The following KIAA1671 variants were observed in gnomAD, a reference collection of about 807,000 sequenced individuals.
KIAA1671 encodes the protein uncharacterized protein KIAA1671.
In KIAA1671, 52 loss-of-function variants were observed where a neutral mutation model predicts 131.2. The observed-to-expected ratio is 0.40, with a 90% CI of 0.32 to 0.50. The LOEUF is 0.50. KIAA1671 is among the 20% of genes least tolerant of loss of function. The pLI is 0.73. For synonymous variants in KIAA1671, 1,003 were observed against 961.6 expected (o/e 1.04, Z -0.80); for missense variants, 2,360 against 2,364.2 (o/e 1.00, Z 0.04).
chr22:25,146,301 C>T (rs1445182379), intron 6 of KIAA1671, among the ~76,000 whole-genome samples: 5 of 152,194 alleles, frequency 3.3e-5, no homozygotes, highest in African/African-American at 1.2e-4. Flanking sequence ...CCAGTTTTAA[C>T]ACCTGGACTT....
Position 25,029,466 on chromosome 22 carries a change from G to A in KIAA1671, c.1467G>A (p.Glu489=). Residue 489 remains glutamate, a synonymous_variant, in exon 3 of 13, where the codon GAG becomes GAA. Transcript: ENST00000358431. ...VQERIRGWTA[E]SSEAKPEVRR... ...AACGGATCAGAGGCTGGACTGCCGAGAGCTCAGAGGCTAAGCCCGAGGTCA... is the reference window on the plus strand; with the variant it reads ...AACGGATCAGAGGCTGGACTGCCGAAAGCTCAGAGGCTAAGCCCGAGGTCA... 6.4e-7 allele frequency: 1 copy of A among 1,551,322 alleles called. No individual in the cohort carries two copies. Among genetic ancestry groups the A allele is most frequent in the Non-Finnish European group, 8.7e-7 (1 of 1,146,828 alleles).
intron 1 of KIAA1671, among the ~76,000 whole-genome samples, chr22:24,983,691 C>T (rs2123833152): frequency 9.3e-6 from 1 of 107,510 alleles, no homozygotes; most frequent in African/African-American, 3.8e-5. Context: ...GAGTGCGGCA[C>T]AGAGGCCTGT....
At chr22:25,056,932 A>G (rs113401944) in intron 6 of KIAA1671, 7 of 152,012 alleles carry the variant, frequency 4.6e-5, no homozygotes, top group African/African-American at 9.7e-5. Context: ...TGCTGTGACT[A>G]TGTTAGACAC....
intron 6 of KIAA1671, among the ~76,000 whole-genome samples, chr22:25,149,921 G>C (rs1169379516): frequency 6.6e-6 from 1 of 152,012 alleles, no homozygotes; most frequent in Admixed American, 6.5e-5. Context: ...AGCCTTCCCT[G>C]ACCCCCTCCC....
intron 9 of KIAA1671, 119 bp from the exon 10 acceptor site, chr22:25,181,580 G>A (rs373035836): frequency 2.4e-6 from 3 of 1,234,834 alleles, no homozygotes; most frequent in African/African-American, 1.5e-5. Context: ...GGGCCATAGC[G>A]TCTTCTGTGC....
intron 6 of KIAA1671, among the ~76,000 whole-genome samples, chr22:25,108,359 G>C (rs2145908202): frequency 6.6e-6 from 1 of 152,238 alleles, no homozygotes; most frequent in East Asian, 1.9e-4. Flanking sequence ...TCTGGGGCCA[G>C]CGGGGAGGAC....
intron 9 of KIAA1671, among the ~76,000 whole-genome samples, chr22:25,180,508 A>G (rs1934229384): frequency 6.6e-6 from 1 of 152,082 alleles, no homozygotes; most frequent in Admixed American, 6.5e-5. Context: ...ACTGCACTCC[A>G]GCCTAGCAAC....
At chr22:24,988,623 C>T (rs1325469865) in intron 1 of KIAA1671, among the ~76,000 whole-genome samples, 3 of 151,274 alleles carry the variant, frequency 2.0e-5, no homozygotes, top group African/African-American at 7.3e-5. Context: ...GTAATCCCAG[C>T]TACTTGGGAG....
At position 25,091,977 on chromosome 22, in the gene KIAA1671, T is replaced by C. The variant is rs531987034; in HGVS notation, c.4530+42613T>C. ...GTGTGTTCATTTATTCATCCTTTAGTTTATTTGGTCATTCATTTACTCCTT... is the reference window on the plus strand; with the variant it reads ...GTGTGTTCATTTATTCATCCTTTAGCTTATTTGGTCATTCATTTACTCCTT... On this transcript the variant is annotated intron_variant, in intron 6 of 12. Coordinates refer to ENST00000358431, the MANE Select transcript of KIAA1671 (RefSeq NM_001145206.2). Among the ~76,000 whole-genome samples, 23 of 152,272 alleles carry C rather than the reference T, an allele frequency of 1.5e-4. No individual in the cohort carries two copies. The South Asian group carries it at 4.8e-3, about 32-fold the overall frequency.
intron 1 of KIAA1671, among the ~76,000 whole-genome samples, chr22:24,985,486 C>T (rs1002598205): frequency 6.6e-6 from 1 of 152,046 alleles, no homozygotes; most frequent in East Asian, 1.9e-4. Flanking sequence ...ACTACAGGCG[C>T]CCGCCACCGC....
intron 6 of KIAA1671, among the ~76,000 whole-genome samples, chr22:25,154,754 C>T (rs974097739): frequency 2.0e-5 from 3 of 152,246 alleles, no homozygotes; most frequent in Non-Finnish European, 4.4e-5. Flanking sequence ...CTCAGCCCCA[C>T]TGCGAGGTCC....
In KIAA1671 at chr22:24,980,890, G is replaced by A. The variant is rs184011990; in HGVS notation, c.-208+28118G>A. On this transcript the variant is annotated intron_variant, in intron 1 of 12. Transcript: ENST00000358431. ...GCCTCCTGAGTAGCTGGGATTACAG[G>A]CATGCGCCATCATGCCTGGATGATT... Among the ~76,000 whole-genome samples the A allele has an allele frequency of 4.6e-5, 7 of 152,058 alleles. No individual in the cohort carries two copies. In the East Asian group the frequency reaches 1.2e-3, roughly 25 times the overall value.
intron 6 of KIAA1671, among the ~76,000 whole-genome samples, chr22:25,081,983 C>A (rs560136394): frequency 6.6e-6 from 1 of 152,198 alleles, no homozygotes; most frequent in Admixed American, 6.5e-5. Flanking sequence ...ATCACCTAAG[C>A]CCAGGAGTTG....
chr22:25,041,263 A>T lies in KIAA1671; in HGVS notation c.4133A>T (p.Lys1378Ile). 1.3e-6 allele frequency: 2 copies of T among 1,551,722 alleles called. No individual in the cohort carries two copies. Among genetic ancestry groups the T allele is most frequent in the South Asian group, 2.4e-5 (2 of 84,056 alleles). ...GACCAGAAGAAAGGGACCCCAAGGA[A>T]ATCCACCGGGCGGGGAGAGGAGGAC... ...PTDQKKGTPRKSTGRGEEDSV... is the reference protein window; with the variant it reads ...PTDQKKGTPRISTGRGEEDSV... Residue 1378 changes from lysine to isoleucine, a missense_variant, in exon 5 of 13, where the codon AAA becomes ATA. Physicochemically the swap from Lys to Ile is moderately radical, Grantham distance 102 (BLOSUM62 -3). Coordinates refer to ENST00000358431, the MANE Select transcript of KIAA1671 (RefSeq NM_001145206.2).
rs959295642 is a variant in KIAA1671, at chr22:25,041,065, C to G, written c.3935C>G (p.Ser1312Cys). 1 of 1,530,856 alleles carries G rather than the reference C, an allele frequency of 6.5e-7. No individual in the cohort carries two copies. Among genetic ancestry groups the G allele is most frequent in the African/African-American group, 1.4e-5 (1 of 72,482 alleles). The allele number at this position is 1,530,856 out of a possible 1,614,324, so 94.8% of individuals were successfully genotyped here. A position where few individuals can be genotyped will look rare whatever the true frequency, so the allele number is the denominator to read the frequency against. ...SAPSERYPGG[S>C]PIPADPRKKT... The stretch of plus-strand genomic sequence containing the variant: ...CCTTCTGAAAGGTATCCAGGGGGCT[C>G]TCCTATACCTGCGGATCCCAGGAAA... Residue 1312 changes from serine (S) to cysteine (C), a missense_variant, in exon 5 of 13, where the codon TCT (serine) becomes TGT (cysteine). Physicochemically the swap from Ser to Cys is moderately radical, Grantham distance 112. This residue lies in a region of KIAA1671 where 1,161 missense variants were observed against 1,204.7 expected (regional missense o/e 0.96). Transcript: ENST00000358431.
chr22:25,183,905 G>A (rs1371148532), intron 10 of KIAA1671, among the ~76,000 whole-genome samples: 3 of 150,814 alleles, frequency 2.0e-5, no homozygotes, highest in Admixed American at 6.6e-5. Context: ...TTATAAGGTA[G>A]CCTAACGCAG....
intron 6 of KIAA1671, chr22:25,057,665 G>C (rs79674938): frequency 4.1e-5 from 5 of 121,530 alleles, no homozygotes; most frequent in African/African-American, 1.6e-4. Context: ...TTTTTTTTTA[G>C]ACAAGGTCTC....
intron 6 of KIAA1671, among the ~76,000 whole-genome samples, chr22:25,151,985 C>T (rs549875702): frequency 4.0e-4 from 61 of 152,306 alleles, no homozygotes; most frequent in Non-Finnish European, 6.2e-4. Context: ...GTGATCCGCC[C>T]GCCTAAGCCT....
At chr22:25,141,232 T>C (rs930042303) in intron 6 of KIAA1671, among the ~76,000 whole-genome samples, 4 of 152,144 alleles carry the variant, frequency 2.6e-5, no homozygotes, top group Non-Finnish European at 5.9e-5. Flanking sequence ...GTTTTTGTTT[T>C]TGTTTTTTGT....
Sources: gnomAD v4.1 joint callset for allele counts (sites outside exome capture counted in the v4.1 genomes callset) on GRCh38, gnomAD v4.1.1 for gene constraint, gnomAD v4.1.1 regional missense constraint, MANE v1.5 for transcripts, NCBI Gene and HGNC (gene_info 2026-07-23, HGNC 2026-07-21) for gene names.